The following DLGAP1 variants were observed in gnomAD, a reference collection of about 807,000 sequenced individuals.
DLGAP1 encodes the protein DLG associated protein 1.
DLGAP1 carries 11 observed loss-of-function variants against 90.8 expected under a neutral mutation model. That is an observed-to-expected ratio of 0.12 (90% CI 0.08 to 0.20). DLGAP1 has a LOEUF of 0.20. Among genes scored for constraint, DLGAP1 ranks in the 10% least tolerant of loss-of-function variants. The pLI is 1.00. For synonymous variants in DLGAP1, 558 were observed against 540.7 expected, an observed-to-expected ratio of 1.03 and a Z score of -0.44; for missense variants, 1,050 against 1,333.8, an observed-to-expected ratio of 0.79 and a Z score of 3.31.
At chr18:3,750,839 GCTTTCCACCCACCAAACT>G (rs1323887025) in intron 5 of DLGAP1, among the ~76,000 whole-genome samples, 1 of 152,106 alleles carries the variant, frequency 6.6e-6, no homozygotes, top group Non-Finnish European at 1.5e-5. Context: ...TCCTTCCTCT[GCTTTCCACCCACCAAACT>G]CTTCAACTCA....
At chr18:4,043,367 T>C (rs1203299653) in intron 2 of DLGAP1, among the ~76,000 whole-genome samples, 2 of 152,196 alleles carry the variant, frequency 1.3e-5, no homozygotes, top group African/African-American at 4.8e-5. Context: ...CATAATAGTA[T>C]CTAATTCCAT....
chr18:4,133,865 G>A (rs569557387), intron 2 of DLGAP1, among the ~76,000 whole-genome samples: 1 of 152,124 alleles, frequency 6.6e-6, no homozygotes, highest in African/African-American at 2.4e-5. Context: ...TCGAGAGGAT[G>A]TTAGGAAGGC....
intron 7 of DLGAP1, among the ~76,000 whole-genome samples, chr18:3,703,595 G>A (rs1309033911): frequency 6.6e-6 from 1 of 152,160 alleles, no homozygotes; most frequent in East Asian, 1.9e-4. Flanking sequence ...AGAAGACGGA[G>A]GGATATTTGA....
intron 7 of DLGAP1, among the ~76,000 whole-genome samples, chr18:3,679,091 C>T (rs2060416900): frequency 6.6e-6 from 1 of 152,154 alleles, no homozygotes; most frequent in Non-Finnish European, 1.5e-5. Flanking sequence ...CTTAGCCTCC[C>T]AAGTAGCTGG....
At chr18:4,291,469 C>G (rs1233361555) in intron 1 of DLGAP1, among the ~76,000 whole-genome samples, 1 of 152,108 alleles carries the variant, frequency 6.6e-6, no homozygotes, top group Non-Finnish European at 1.5e-5. Context: ...AGCTATCTTT[C>G]AAAATTCCAA....
chr18:4,410,231 G>C (rs1819997410), intron 1 of DLGAP1, among the ~76,000 whole-genome samples: 1 of 152,056 alleles, frequency 6.6e-6, no homozygotes, highest in African/African-American at 2.4e-5. Flanking sequence ...GGGTGCACCA[G>C]GTTCTCACAA....
chr18:4,211,871 T>C (rs770575378), intron 1 of DLGAP1, among the ~76,000 whole-genome samples: 9 of 152,216 alleles, frequency 5.9e-5, no homozygotes, highest in Non-Finnish European at 1.3e-4. Flanking sequence ...GCTTCATTCT[T>C]CACCCCTTCT....
chr18:4,110,009 G>T (rs184350880), intron 2 of DLGAP1, among the ~76,000 whole-genome samples: 1 of 134,768 alleles, frequency 7.4e-6, no homozygotes, highest in Non-Finnish European at 1.6e-5. Flanking sequence ...GATTTCTCTC[G>T]TCTCCAAAAA....
chr18:4,115,382 C>T (rs372200234), intron 2 of DLGAP1, among the ~76,000 whole-genome samples: 6 of 150,876 alleles, frequency 4.0e-5, no homozygotes, highest in South Asian at 2.1e-4. Flanking sequence ...AGAGGAAGTA[C>T]GTATTTATAT....
At position 3,821,125 on chromosome 18, in the gene DLGAP1, A is replaced by G. The variant is rs547316423; in HGVS notation, c.958-6852T>C. ...CATAGCAAGACCCCATCTCTACAAA[A>G]TAATTTTTTAAATGTAGCTGGTGTG... On this transcript the variant is annotated intron_variant, in intron 4 of 12. Transcript: ENST00000315677. Among the ~76,000 whole-genome samples, 4 of 152,138 alleles carry G rather than the reference A, an allele frequency of 2.6e-5. No homozygotes were observed. The South Asian group carries it at 8.3e-4, about 32-fold the overall frequency.
chr18:3,859,199 A>T (rs1364862161), intron 4 of DLGAP1, among the ~76,000 whole-genome samples: 1 of 152,182 alleles, frequency 6.6e-6, no homozygotes, highest in Non-Finnish European at 1.5e-5. Flanking sequence ...AAAATAATCT[A>T]AAAAACACAG....
chr18:4,371,307 A>G (rs1329042718), intron 1 of DLGAP1, among the ~76,000 whole-genome samples: 1 of 152,262 alleles, frequency 6.6e-6, no homozygotes, highest in Admixed American at 6.5e-5. Flanking sequence ...GGGCTGAGAG[A>G]GAAGAGCAAT....
At chr18:3,930,168 CTG>C (rs1260853949) in intron 3 of DLGAP1, among the ~76,000 whole-genome samples, 1 of 152,148 alleles carries the variant, frequency 6.6e-6, no homozygotes, top group Admixed American at 6.5e-5. Context: ...ATTTTATGTG[CTG>C]TGTGGGCCAT....
At chr18:3,900,498 C>T (rs1291783462) in intron 3 of DLGAP1, among the ~76,000 whole-genome samples, 1 of 152,216 alleles carries the variant, frequency 6.6e-6, no homozygotes, top group Admixed American at 6.5e-5. Flanking sequence ...CTTTAACAGT[C>T]AGACTTGTTT....
intron 7 of DLGAP1, among the ~76,000 whole-genome samples, chr18:3,718,430 G>A (rs1023785380): frequency 6.6e-6 from 1 of 152,030 alleles, no homozygotes; most frequent in Non-Finnish European, 1.5e-5. Flanking sequence ...ATGTTTGATG[G>A]GGGCATTTCT....
At chr18:4,043,778 A>T (rs1450390399) in intron 2 of DLGAP1, among the ~76,000 whole-genome samples, 1 of 152,106 alleles carries the variant, frequency 6.6e-6, no homozygotes, top group African/African-American at 2.4e-5. Context: ...GTATCCTTCA[A>T]GGATACATTG....
chr18:4,032,721 C>A lies in DLGAP1; in HGVS notation c.-158-27520G>T, dbSNP rs117260344. On this transcript the variant is annotated intron_variant, in intron 2 of 12. Transcript: ENST00000315677. The stretch of plus-strand genomic sequence containing the variant: ...AAGGTGTATAGAATGGATTTAGGGG[C>A]TAGTAGGAAGGTTTCTGAGCCCATG... Among the ~76,000 whole-genome samples, 97 of 149,942 alleles carry A rather than the reference C, an allele frequency of 6.5e-4. 1 individual carries two copies. In the East Asian group the frequency reaches 0.017, roughly 27 times the overall value.
intron 8 of DLGAP1, among the ~76,000 whole-genome samples, chr18:3,573,959 C>T (rs1454716593): frequency 6.6e-6 from 1 of 152,194 alleles, no homozygotes; most frequent in Non-Finnish European, 1.5e-5. Context: ...ACCTTAGCTT[C>T]CCAAAGTGCT....
chr18:3,858,010 T>C (rs1487330489), intron 4 of DLGAP1, among the ~76,000 whole-genome samples: 1 of 152,192 alleles, frequency 6.6e-6, no homozygotes, highest in African/African-American at 2.4e-5. Flanking sequence ...TGGTTTACTA[T>C]AATAACTTCC....
Sources: allele counts gnomAD v4.1 joint callset (sites outside exome capture counted in the v4.1 genomes callset), GRCh38; gene constraint gnomAD v4.1.1; transcripts MANE v1.5; gene names NCBI Gene and HGNC (gene_info 2026-07-23, HGNC 2026-07-21).